THAP1: variants seen among roughly 807,000 people sequenced by gnomAD.
THAP1 encodes THAP domain containing 1.
Under a neutral mutation model 18.2 loss-of-function variants are expected in THAP1, and 6 were observed. That is an observed-to-expected ratio of 0.33 (90% confidence interval 0.18 to 0.65). The LOEUF is 0.65. Ranked by LOEUF, THAP1 falls within the 30% of genes least tolerant of loss-of-function variation. THAP1 has a pLI of 0.74. For missense variants in THAP1, 176 were observed against 253.0 expected (o/e 0.70, Z 2.06); for synonymous variants, 85 against 90.5 (o/e 0.94, Z 0.34).
Position 42,837,153 on chromosome 8 carries a change from C to T in THAP1, c.*809G>A, listed in dbSNP as rs1802628294. On this transcript the variant is annotated 3_prime_UTR_variant, in exon 3 of 3. Transcript: ENST00000254250. ...AACTACAGCTGGGGAACTGGATGTC[C>T]TTCAGCTAGGGTGTAATGAAAGAAA... 6.6e-6 allele frequency: 1 copy of T among 152,186 alleles called. No individual in the cohort carries two copies. Among genetic ancestry groups the T allele is most frequent in the South Asian group, 2.1e-4 (1 of 4,830 alleles). 9.4% of individuals were successfully genotyped at this position (152,186 alleles called of 1,614,324 possible).
At position 42,837,644 on chromosome 8, in the gene THAP1, TCTTTA is replaced by T. The variant is rs1802639197; in HGVS notation, c.*313_*317del. ...CCCTTTTACCACACTGTTCTCATTC[TCTTTA>T]CTTTTTATTTTTACATTATTTCTAT... is the stretch of plus-strand genomic sequence containing the variant. On this transcript the variant is annotated 3_prime_UTR_variant, in exon 3 of 3. Transcript: ENST00000254250. The T allele has an allele frequency of 5.7e-6, 1 of 176,886 alleles. No homozygotes were observed. Among genetic ancestry groups the T allele is most frequent in the African/African-American group, 2.4e-5 (1 of 42,072 alleles). The allele number at this position is 176,886 out of a possible 1,614,324, so 11.0% of individuals were successfully genotyped here.
intron 1 of THAP1, among the ~76,000 whole-genome samples, chr8:42,841,402 G>A (rs1418480930): frequency 6.9e-6 from 1 of 145,244 alleles, no homozygotes; most frequent in Non-Finnish European, 1.5e-5. Context: ...CCAGGTTCAA[G>A]TGATTCCCCT....
chr8:42,838,756 A>C (rs1802662478), intron 2 of THAP1, among the ~76,000 whole-genome samples: 2 of 152,156 alleles, frequency 1.3e-5, no homozygotes, highest in African/African-American at 4.8e-5. Context: ...TTTGGGAATC[A>C]GTGGTATAGA....
intron 2 of THAP1, 125 bp downstream of exon 2, chr8:42,839,061 C>G: frequency 1.0e-6 from 1 of 1,003,954 alleles, no homozygotes; most frequent in South Asian, 1.3e-5. Flanking sequence ...AAGTGTATCA[C>G]TGTTAACTAC....
intron 1 of THAP1, 101 bp from the exon 2 acceptor site, chr8:42,839,482 A>T: frequency 8.7e-7 from 1 of 1,144,756 alleles, no homozygotes; most frequent in Middle Eastern, 2.4e-4. Context: ...GGTATTAAAG[A>T]TGTTACAATT....
chr8:42,841,294 C>CTTTTTTTTTTT (rs775435611), intron 1 of THAP1, among the ~76,000 whole-genome samples: 3 of 95,960 alleles, frequency 3.1e-5, no homozygotes, highest in African/African-American at 8.8e-5. Context: ...ACAGTTGTAT[C>CTTTTTTTTTTT]TTTTTTTTTT....
chr8:42,841,816 G>A (rs925160703), intron 1 of THAP1, among the ~76,000 whole-genome samples: 2 of 152,084 alleles, frequency 1.3e-5, no homozygotes, highest in African/African-American at 2.4e-5. Context: ...ATCCTGAACT[G>A]AATCCTCTAA....
In THAP1 at chr8:42,843,151, C is replaced by G; in HGVS notation, c.-57G>C. 1 of 1,601,608 alleles carries G rather than the reference C, an allele frequency of 6.2e-7. No homozygotes were observed. Among genetic ancestry groups the G allele is most frequent in the Non-Finnish European group, 8.6e-7 (1 of 1,169,380 alleles). On this transcript the variant is annotated 5_prime_UTR_variant, in exon 1 of 3. Transcript: ENST00000254250. ...GCCGCAGAAGGCAGGGGAAGCTGTT[C>G]TCAGTGTCGCTGCGCTCGGTTGGAT... is the stretch of plus-strand genomic sequence containing the variant.
At chr8:42,840,751 G>A (rs1489888116) in intron 1 of THAP1, among the ~76,000 whole-genome samples, 1 of 152,166 alleles carries the variant, frequency 6.6e-6, no homozygotes, top group Non-Finnish European at 1.5e-5. Flanking sequence ...GGCGGATCAG[G>A]AGGTCGAAGT....
rs1287115927 is a variant in THAP1, at chr8:42,839,094, T to C, written c.267+92A>G. ...TACAAGGTTCCAGGCACATTTATTC[T>C]CTTAACACTAACTCAATTTTCCACA... On this transcript the variant is annotated intron_variant, in intron 2 of 2. Coordinates refer to ENST00000254250, the MANE Select transcript of THAP1 (RefSeq NM_018105.3). The C allele has an allele frequency of 2.9e-6, 4 of 1,392,896 alleles. No individual in the cohort carries two copies. In the African/African-American group the frequency reaches 4.3e-5, roughly 15 times the overall value. 86.3% of individuals were successfully genotyped at this position (1,392,896 alleles called of 1,614,324 possible). A position where few individuals can be genotyped will look rare whatever the true frequency, so the allele number is the denominator to read the frequency against.
intron 1 of THAP1, 76 bp from the exon 2 acceptor site, chr8:42,839,457 G>A (rs909045435): frequency 1.4e-6 from 2 of 1,439,150 alleles, no homozygotes; most frequent in African/African-American, 1.4e-5. Context: ...TCCAGCTTAG[G>A]AAATATCTTA....
chr8:42,842,048 A>C (rs562302097), intron 1 of THAP1, among the ~76,000 whole-genome samples: 21 of 152,356 alleles, frequency 1.4e-4, no homozygotes, highest in African/African-American at 5.1e-4. Context: ...CTAATTATAA[A>C]AGATAATTAG....
At chr8:42,841,120 C>T (rs1488630749) in intron 1 of THAP1, among the ~76,000 whole-genome samples, 1 of 151,836 alleles carries the variant, frequency 6.6e-6, no homozygotes, top group Non-Finnish European at 1.5e-5. Context: ...AAATTCAGTA[C>T]CTAGGGCCTC....
At position 42,838,327 on chromosome 8, in the gene THAP1, G is replaced by C. The variant is rs1802654145; in HGVS notation, c.277C>G (p.Leu93Val). 1 of 1,613,662 alleles carries C rather than the reference G, an allele frequency of 6.2e-7. No homozygotes were observed. ...GGAAGCTGTTCCTGTGGCTCCAGAA[G>C]ATCTTCTTTCTAAAACAAAAATACA... ...CTEPHDKKED[L>V]LEPQEQLPPP... The change falls in exon 3 of 3, where the codon CTT (leucine) becomes GTT (valine). Residue 93 changes from leucine (L) to valine (V), a missense_variant. By Grantham distance (32) the Leu-to-Val change is conservative. Coordinates refer to ENST00000254250, the MANE Select transcript of THAP1 (RefSeq NM_018105.3).
Position 42,837,524 on chromosome 8 carries a change from G to A in THAP1, c.*438C>T, listed in dbSNP as rs1472942886. 5 of 154,120 alleles carry A rather than the reference G, an allele frequency of 3.2e-5. No individual in the cohort carries two copies. Among genetic ancestry groups the A allele is most frequent in the African/African-American group, 1.2e-4 (5 of 41,388 alleles). 9.5% of individuals were successfully genotyped at this position (154,120 alleles called of 1,614,324 possible). On this transcript the variant is annotated 3_prime_UTR_variant, in exon 3 of 3. Transcript: ENST00000254250. ...CATATGTATATATATATTCTAAGAA[G>A]TTATGTCCCATGATCTGACCCATAC...
At position 42,843,273 on chromosome 8, in the gene THAP1, A is replaced by G. The variant is rs1227431756; in HGVS notation, c.-179T>C. On this transcript the variant is annotated 5_prime_UTR_variant, in exon 1 of 3. Coordinates refer to ENST00000254250, the MANE Select transcript of THAP1 (RefSeq NM_018105.3). ...CCCGTTTTGTTGTTTGCATTAGCAGAAGGACCACAGCCATCGCCCGTCTCC... is the reference window on the plus strand; with the variant it reads ...CCCGTTTTGTTGTTTGCATTAGCAGGAGGACCACAGCCATCGCCCGTCTCC... 7 of 716,660 alleles carry G rather than the reference A, an allele frequency of 9.8e-6. No individual in the cohort carries two copies. Among genetic ancestry groups the G allele is most frequent in the Non-Finnish European group, 1.5e-5 (6 of 408,014 alleles). The allele number at this position is 716,660 out of a possible 1,614,324, so 44.4% of individuals were successfully genotyped here. A position where few individuals can be genotyped will look rare whatever the true frequency, so the allele number is the denominator to read the frequency against.
rs113408810 is a variant in THAP1 at position 42,842,816 on chromosome 8, G to C, written c.71+208C>G. On this transcript the variant is annotated intron_variant, in intron 1 of 2. Coordinates refer to ENST00000254250, the MANE Select transcript of THAP1 (RefSeq NM_018105.3). ...CAACCAGGGCCTGTTCCAGGAGCGC[G>C]AGAAACGGCTGCCGCGGCGACGCGC... 1.8e-5 allele frequency: 4 copies of C among 223,430 alleles called. No homozygotes were observed. The South Asian group carries it at 5.2e-4, about 29-fold the overall frequency. 13.8% of individuals were successfully genotyped at this position (223,430 alleles called of 1,614,324 possible).
At position 42,839,332 on chromosome 8, in the gene THAP1, T is replaced by TG; in HGVS notation, c.120dup (p.Arg41GlnfsTer6). On this transcript the variant is annotated frameshift_variant, in exon 2 of 3. Coordinates refer to ENST00000254250, the MANE Select transcript of THAP1 (RefSeq NM_018105.3). LOFTEE classifies it high-confidence loss of function. Reference sequence around the variant, plus strand: ...TTGGTGGGTTTAAAGTTTTTTCTTCTGACAGCTGCCTCCCATTCTTTACAA... The same window carrying TG: ...TTGGTGGGTTTAAAGTTTTTTCTTCTGGACAGCTGCCTCCCATTCTTTACAA... The TG allele has an allele frequency of 6.2e-7, 1 of 1,614,070 alleles. No homozygotes were observed. Among genetic ancestry groups the TG allele is most frequent in the Non-Finnish European group, 8.5e-7 (1 of 1,179,998 alleles).
At position 42,843,175 on chromosome 8, in the gene THAP1, A is replaced by G; in HGVS notation, c.-81T>C. On this transcript the variant is annotated 5_prime_UTR_variant, in exon 1 of 3. Coordinates refer to ENST00000254250, the MANE Select transcript of THAP1 (RefSeq NM_018105.3). Reference sequence around the variant, plus strand: ...TCTCAGTGTCGCTGCGCTCGGTTGGATTCCCTCGCTTCTTTTGTAGCTTTG... The same window carrying G: ...TCTCAGTGTCGCTGCGCTCGGTTGGGTTCCCTCGCTTCTTTTGTAGCTTTG... 6.4e-7 allele frequency: 1 copy of G among 1,553,714 alleles called. No individual in the cohort carries two copies. Among genetic ancestry groups the G allele is most frequent in the Admixed American group, 1.7e-5 (1 of 59,666 alleles).
Sources: allele counts gnomAD v4.1 joint callset (sites outside exome capture counted in the v4.1 genomes callset), GRCh38; gene constraint gnomAD v4.1.1; transcripts MANE v1.5; gene names NCBI Gene and HGNC (gene_info 2026-07-23, HGNC 2026-07-21).